DSCAML1: variants seen among roughly 807,000 people sequenced by gnomAD.
The protein encoded by DSCAML1 is DS cell adhesion molecule like 1, also known as cell adhesion molecule DSCAML1.
Under a neutral mutation model 200.5 loss-of-function variants are expected in DSCAML1, and 38 were observed. That is an observed-to-expected ratio of 0.19 (90% CI 0.15 to 0.25). The LOEUF (loss-of-function observed/expected upper bound fraction) is 0.25, where lower values mean the gene tolerates loss of function less well. Among genes scored for constraint, DSCAML1 ranks in the 10% least tolerant of loss-of-function variants. The pLI, the probability that DSCAML1 is intolerant of heterozygous loss-of-function variation, is 1.00. For missense variants in DSCAML1, 2,223 were observed against 2,858.8 expected, an observed-to-expected ratio of 0.78 and a Z score of 5.07; for synonymous variants, 1,215 against 1,165.0, an observed-to-expected ratio of 1.04 and a Z score of -0.87.
chr11:117,582,973 T>C (rs1378498456), intron 3 of DSCAML1, among the ~76,000 whole-genome samples: 1 of 124,248 alleles, frequency 8.0e-6, no homozygotes, highest in Non-Finnish European at 1.8e-5. Context: ...ATTCTCACAA[T>C]GTGGCATAGG....
chr11:117,586,786 C>T (rs933065773), intron 3 of DSCAML1, among the ~76,000 whole-genome samples: 1 of 152,178 alleles, frequency 6.6e-6, no homozygotes, highest in Non-Finnish European at 1.5e-5. Flanking sequence ...GGGGACATTG[C>T]CTGAGGCAGA....
intron 3 of DSCAML1, among the ~76,000 whole-genome samples, chr11:117,711,998 C>T (rs1297848076): frequency 6.6e-6 from 1 of 152,218 alleles, no homozygotes; most frequent in Non-Finnish European, 1.5e-5. Context: ...TTGTGGACCT[C>T]TTGCTATATT....
At chr11:117,723,330 T>C (rs931743746) in intron 3 of DSCAML1, among the ~76,000 whole-genome samples, 18 of 152,230 alleles carry the variant, frequency 1.2e-4, no homozygotes, top group Admixed American at 9.8e-4. Flanking sequence ...TCTTCCAGTT[T>C]TGATCTCGGT....
chr11:117,697,239 C>A (rs966534824), intron 3 of DSCAML1, among the ~76,000 whole-genome samples: 1 of 152,168 alleles, frequency 6.6e-6, no homozygotes, highest in African/African-American at 2.4e-5. Context: ...TCACATAGCT[C>A]CTTCTTTTGT....
chr11:117,456,669 TTC>T (rs1214412711), intron 19 of DSCAML1, among the ~76,000 whole-genome samples: 1 of 37,510 alleles, frequency 2.7e-5, no homozygotes, highest in Non-Finnish European at 5.3e-5. Context: ...AAGCAGTCAT[TTC>T]TTTTTTTTTT....
intron 3 of DSCAML1, among the ~76,000 whole-genome samples, chr11:117,571,180 G>A (rs2050842493): frequency 6.6e-6 from 1 of 152,230 alleles, no homozygotes. Context: ...TCTGCCTCTA[G>A]AACAAATGGT....
chr11:117,458,371 T>G (rs887399776), intron 19 of DSCAML1, among the ~76,000 whole-genome samples: 3 of 152,148 alleles, frequency 2.0e-5, no homozygotes, highest in African/African-American at 4.8e-5. Context: ...TAACCCGTGA[T>G]GTACTGAGCG....
intron 3 of DSCAML1, 27 bp downstream of exon 3, chr11:117,776,764 C>T (rs1312279404): frequency 3.1e-6 from 5 of 1,613,684 alleles, no homozygotes; most frequent in Non-Finnish European, 4.2e-6. Context: ...GCACCTCTGT[C>T]TGCCGCAGCC....
intron 3 of DSCAML1, among the ~76,000 whole-genome samples, chr11:117,655,990 C>T (rs1348614945): frequency 6.6e-6 from 1 of 152,242 alleles, no homozygotes; most frequent in Non-Finnish European, 1.5e-5. Context: ...AAAGAGAGCA[C>T]TGGCACTTTG....
chr11:117,669,522 C>T (rs1018238428), intron 3 of DSCAML1, among the ~76,000 whole-genome samples: 3 of 152,214 alleles, frequency 2.0e-5, no homozygotes, highest in Non-Finnish European at 4.4e-5. Flanking sequence ...CTGTGCTGGG[C>T]CCTGGGCATA....
At chr11:117,497,538 T>A (rs1304521269) in intron 11 of DSCAML1, among the ~76,000 whole-genome samples, 1 of 152,210 alleles carries the variant, frequency 6.6e-6, no homozygotes, top group African/African-American at 2.4e-5. Context: ...TTCTGTGAAG[T>A]CTCAAAATCA....
At chr11:117,567,550 G>A (rs922993198) in intron 3 of DSCAML1, among the ~76,000 whole-genome samples, 5 of 152,152 alleles carry the variant, frequency 3.3e-5, no homozygotes, top group Non-Finnish European at 4.4e-5. Context: ...TCTGATGGTA[G>A]TTTCTTTTGC....
At chr11:117,588,295 G>A (rs534126492) in intron 3 of DSCAML1, among the ~76,000 whole-genome samples, 5 of 152,210 alleles carry the variant, frequency 3.3e-5, no homozygotes, top group African/African-American at 7.2e-5. Flanking sequence ...TCCATCACTC[G>A]CTAGTGCTGC....
At chr11:117,742,093 AG>A (rs1297131938) in intron 3 of DSCAML1, among the ~76,000 whole-genome samples, 1 of 152,188 alleles carries the variant, frequency 6.6e-6, no homozygotes, top group African/African-American at 2.4e-5. Context: ...GCTAGATGAC[AG>A]ATGGCACATC....
At chr11:117,547,697 T>C (rs2050401231) in intron 3 of DSCAML1, among the ~76,000 whole-genome samples, 1 of 152,224 alleles carries the variant, frequency 6.6e-6, no homozygotes, top group South Asian at 2.1e-4. Context: ...CTACTGTGTG[T>C]CTGTAAGACT....
chr11:117,637,405 G>T (rs1247381032), intron 3 of DSCAML1, among the ~76,000 whole-genome samples: 1 of 151,178 alleles, frequency 6.6e-6, no homozygotes, highest in Non-Finnish European at 1.5e-5. Context: ...GAGTGCAGTG[G>T]TGCAATCTCG....
chr11:117,781,717 A>C (rs2055266979), intron 1 of DSCAML1, among the ~76,000 whole-genome samples: 1 of 152,166 alleles, frequency 6.6e-6, no homozygotes, highest in South Asian at 2.1e-4. Context: ...CTGCTCCTTC[A>C]CTTGGAAAAT....
chr11:117,480,187 C>A lies in DSCAML1; in HGVS notation c.2785+256G>T, dbSNP rs890479827. ...CAGACCACCCTTGGGGACCCTGGCC[C>A]AGGGACAGTCCTGGAAAGGAGCTGA... On this transcript the variant is annotated intron_variant, in intron 14 of 32. Transcript: ENST00000651296. The surrounding 1 kb of genome is among the most constrained non-coding windows in gnomAD (Gnocchi z 4.1). Among the ~76,000 whole-genome samples the A allele has an allele frequency of 5.3e-5, 8 of 152,222 alleles. No individual in the cohort carries two copies. The highest frequency in any genetic ancestry group is 1.3e-4 in the Admixed American group (2 of 15,284).
intron 3 of DSCAML1, among the ~76,000 whole-genome samples, chr11:117,712,179 A>G (rs1441858432): frequency 6.6e-6 from 1 of 152,188 alleles, no homozygotes; most frequent in African/African-American, 2.4e-5. Context: ...GAAGAATACG[A>G]ATGCAACTGG....
Sources: allele counts gnomAD v4.1 joint callset (sites outside exome capture counted in the v4.1 genomes callset), GRCh38; gene constraint gnomAD v4.1.1; non-coding constraint Gnocchi (gnomAD v3.1); transcripts MANE v1.5; gene names NCBI Gene and HGNC (gene_info 2026-07-23, HGNC 2026-07-21).